The following IMMP2L variants were observed in gnomAD, a reference collection of about 807,000 sequenced individuals.
The protein encoded by IMMP2L is mitochondrial inner membrane protease subunit 2.
A neutral mutation model predicts 19.3 loss-of-function variants in IMMP2L; 18 were observed. The ratio of observed to expected loss-of-function variants is 0.93; its 90% confidence interval spans 0.64 to 1.38. The LOEUF is 1.38. Ranked by LOEUF, IMMP2L falls within the 40% of genes most tolerant of loss-of-function variation. The probability of loss-of-function intolerance (pLI) is 0.00; values close to 1 mark genes in which losing one functional copy is unlikely to be tolerated. For synonymous variants in IMMP2L, 76 were observed against 73.0 expected (o/e 1.04, Z -0.21); for missense variants, 233 against 218.2 (o/e 1.07, Z -0.43).
At chr7:111,421,325 A>G in intron 3 of IMMP2L, among the ~76,000 whole-genome samples, 1 of 135,746 alleles carries the variant, frequency 7.4e-6, no homozygotes, top group East Asian at 2.2e-4. Flanking sequence ...GTGGGAGTGC[A>G]GTGGCGCAAT....
chr7:110,923,708 TTAAAA>T (rs1476806242), intron 4 of IMMP2L, among the ~76,000 whole-genome samples: 2 of 151,990 alleles, frequency 1.3e-5, no homozygotes, highest in Non-Finnish European at 2.9e-5. Context: ...TATTACTTAA[TTAAAA>T]TAAATTGCCA....
intron 3 of IMMP2L, chr7:111,091,460 C>G (rs529361619): frequency 6.6e-6 from 1 of 152,222 alleles, no homozygotes; most frequent in South Asian, 2.1e-4. Context: ...GAATCCAGCA[C>G]GCAAGGACAT....
At chr7:111,069,449 T>C (rs979640870) in intron 3 of IMMP2L, among the ~76,000 whole-genome samples, 12 of 152,312 alleles carry the variant, frequency 7.9e-5, no homozygotes, top group Admixed American at 7.2e-4. Flanking sequence ...ATCCATCAAA[T>C]TAGAAACTTA....
chr7:111,366,863 G>C (rs973028197), intron 3 of IMMP2L, among the ~76,000 whole-genome samples: 1 of 151,326 alleles, frequency 6.6e-6, no homozygotes, highest in Non-Finnish European at 1.5e-5. Context: ...GGAGAGGAGA[G>C]ACAGGGAGAG....
intron 3 of IMMP2L, among the ~76,000 whole-genome samples, chr7:111,168,503 G>A (rs1806081385): frequency 6.6e-6 from 1 of 151,784 alleles, no homozygotes; most frequent in Admixed American, 6.6e-5. Flanking sequence ...GTGTCTTGCT[G>A]CTAAACCAGT....
intron 3 of IMMP2L, among the ~76,000 whole-genome samples, chr7:110,992,556 A>G (rs1822590773): frequency 6.6e-6 from 1 of 151,916 alleles, no homozygotes; most frequent in African/African-American, 2.4e-5. Flanking sequence ...TGAAATTCAA[A>G]TAAAGATGTA....
intron 3 of IMMP2L, among the ~76,000 whole-genome samples, chr7:111,224,892 T>C (rs1460473994): frequency 2.6e-5 from 4 of 152,134 alleles, no homozygotes; most frequent in Non-Finnish European, 5.9e-5. Flanking sequence ...TATTTAAGAA[T>C]GTCTTCGATG....
At chr7:111,503,370 C>G (rs1585395630) in intron 2 of IMMP2L, among the ~76,000 whole-genome samples, 2 of 152,100 alleles carry the variant, frequency 1.3e-5, no homozygotes, top group Non-Finnish European at 2.9e-5. Context: ...GATGGATTCA[C>G]AGCCGAATTC....
At chr7:110,719,965 T>C (rs911337617) in intron 5 of IMMP2L, among the ~76,000 whole-genome samples, 2 of 152,228 alleles carry the variant, frequency 1.3e-5, no homozygotes, top group African/African-American at 2.4e-5. Context: ...AATATGTTCT[T>C]GCTCCTGACA....
intron 5 of IMMP2L, among the ~76,000 whole-genome samples, chr7:110,874,138 T>C (rs1184487779): frequency 6.6e-6 from 1 of 152,152 alleles, no homozygotes; most frequent in Non-Finnish European, 1.5e-5. Flanking sequence ...ATTGGAGTAA[T>C]ATAAAAGCAC....
intron 4 of IMMP2L, among the ~76,000 whole-genome samples, chr7:110,895,248 T>C (rs1233665588): frequency 1.3e-5 from 2 of 152,164 alleles, no homozygotes; most frequent in African/African-American, 4.8e-5. Flanking sequence ...GCCCCCATAA[T>C]TCAATCACTT....
intron 4 of IMMP2L, among the ~76,000 whole-genome samples, chr7:110,893,920 C>T (rs948379547): frequency 1.3e-5 from 2 of 152,012 alleles, no homozygotes; most frequent in African/African-American, 4.8e-5. Flanking sequence ...GCAAATGTAG[C>T]CTTTACCTTC....
At chr7:111,159,654 A>G (rs1159698261) in intron 3 of IMMP2L, among the ~76,000 whole-genome samples, 2 of 152,096 alleles carry the variant, frequency 1.3e-5, no homozygotes, top group African/African-American at 4.8e-5. Flanking sequence ...TTTTTTACCA[A>G]TTTGTCATGA....
At chr7:111,497,570 A>G (rs559952090) in intron 2 of IMMP2L, among the ~76,000 whole-genome samples, 36 of 152,276 alleles carry the variant, frequency 2.4e-4, no homozygotes, top group African/African-American at 8.4e-4. Context: ...ACAAACTGCT[A>G]TGATCCAATT....
chr7:110,670,804 T>C (rs73207028), intron 5 of IMMP2L, among the ~76,000 whole-genome samples: 4,073 of 151,868 alleles, frequency 0.027, 73 homozygotes, highest in Middle Eastern at 0.091. Context: ...CAAAGAAATA[T>C]GTTGAGAGAA....
At chr7:111,509,010 TAAAAC>T (rs1845200187) in intron 2 of IMMP2L, among the ~76,000 whole-genome samples, 2 of 152,162 alleles carry the variant, frequency 1.3e-5, no homozygotes, top group African/African-American at 4.8e-5. Context: ...AGATGGGAAA[TAAAAC>T]AAATTTTTTA....
At chr7:110,904,192 T>C (rs1049582072) in intron 4 of IMMP2L, among the ~76,000 whole-genome samples, 5 of 152,168 alleles carry the variant, frequency 3.3e-5, no homozygotes, top group African/African-American at 1.2e-4. Flanking sequence ...TTTTCCCCCA[T>C]TCCACAGGTT....
At chr7:110,750,272 CA>C (rs775921007) in intron 5 of IMMP2L, among the ~76,000 whole-genome samples, 1 of 151,776 alleles carries the variant, frequency 6.6e-6, no homozygotes, top group Non-Finnish European at 1.5e-5. Flanking sequence ...TTTGTCAATA[CA>C]AAGCAAGGTC....
At chr7:111,304,266 C>A (rs923188272) in intron 3 of IMMP2L, among the ~76,000 whole-genome samples, 1 of 151,874 alleles carries the variant, frequency 6.6e-6, no homozygotes, top group African/African-American at 2.4e-5. Flanking sequence ...AAATCAATGT[C>A]CAAATAACAT....
Sources: gnomAD v4.1 joint callset for allele counts (sites outside exome capture counted in the v4.1 genomes callset) on GRCh38, gnomAD v4.1.1 for gene constraint, MANE v1.5 for transcripts, NCBI Gene and HGNC (gene_info 2026-07-23, HGNC 2026-07-21) for gene names.